Variants in GAS2 observed in about 807,000 individuals in gnomAD.
GAS2 encodes growth arrest specific 2, also known as growth arrest-specific protein 2.
A neutral mutation model predicts 37.5 loss-of-function variants in GAS2; 20 were observed. The ratio of observed to expected loss-of-function variants is 0.53; its 90% CI spans 0.37 to 0.77. The LOEUF (loss-of-function observed/expected upper bound fraction) is 0.77. Ranked by LOEUF, GAS2 falls within the 30% of genes least tolerant of loss-of-function variation. The probability of loss-of-function intolerance (pLI) is 0.00; values close to 1 mark genes in which losing one functional copy is unlikely to be tolerated. For missense variants in GAS2, 336 were observed against 373.4 expected, an observed-to-expected ratio of 0.90 and a Z score of 0.82; for synonymous variants, 144 against 132.2, an observed-to-expected ratio of 1.09 and a Z score of -0.61.
At chr11:22,674,760 C>T (rs991785918) in intron 1 of GAS2, 90 bp from the exon 2 acceptor site, 24 of 960,366 alleles carry the variant, frequency 2.5e-5, no homozygotes, top group Middle Eastern at 2.6e-4. Context: ...TCAGAAAACC[C>T]GCGGATCCAG....
At chr11:22,664,398 A>G (rs1411547242), upstream of GAS2, among the ~76,000 whole-genome samples, 1 of 152,188 alleles carries the variant, frequency 6.6e-6, no homozygotes, top group African/African-American at 2.4e-5. Context: ...GAGAAAATTC[A>G]TGTTTGAGAC....
intron 1 of GAS2, among the ~76,000 whole-genome samples, chr11:22,631,890 T>C (rs923378045): frequency 1.1e-4 from 17 of 151,904 alleles, no homozygotes; most frequent in African/African-American, 2.9e-4. Context: ...AGTAGGATTG[T>C]TACCAGTTCT....
At chr11:22,759,385 C>T (rs1403644054) in intron 7 of GAS2, among the ~76,000 whole-genome samples, 2 of 152,112 alleles carry the variant, frequency 1.3e-5, no homozygotes, top group Non-Finnish European at 2.9e-5. Flanking sequence ...AGGATTAATC[C>T]ATGCCTAAAT....
chr11:22,635,814 G>A (rs1381179006), intron 1 of GAS2, among the ~76,000 whole-genome samples: 1 of 152,226 alleles, frequency 6.6e-6, no homozygotes, highest in Non-Finnish European at 1.5e-5. Flanking sequence ...TGCAAAGCAT[G>A]TGCTGATGCT....
chr11:22,628,999 ATG>A (rs58455319), intron 1 of GAS2, among the ~76,000 whole-genome samples: 148,464 of 151,572 alleles, frequency 0.98, 72,756 homozygotes, highest in Non-Finnish European at 1. Flanking sequence ...ATTCCATGGT[ATG>A]TGTGTGTGTG....
intron 1 of GAS2, among the ~76,000 whole-genome samples, chr11:22,644,674 G>A (rs1848668477): frequency 9.0e-6 from 1 of 110,838 alleles, no homozygotes; most frequent in African/African-American, 2.6e-5. Flanking sequence ...AGGCTGCAGT[G>A]CAGTGGCATG....
intron 1 of GAS2, among the ~76,000 whole-genome samples, chr11:22,654,066 T>A (rs1224315711): frequency 6.6e-6 from 1 of 152,234 alleles, no homozygotes; most frequent in Non-Finnish European, 1.5e-5. Context: ...TCCCACCTGA[T>A]GCCCCAGGCA....
chr11:22,706,670 T>A (rs1851139094), intron 3 of GAS2, among the ~76,000 whole-genome samples: 2 of 152,332 alleles, frequency 1.3e-5, no homozygotes, highest in South Asian at 4.1e-4. Context: ...GAACTCATCA[T>A]TTTTTATGGC....
At chr11:22,737,926 C>T (rs533570600) in intron 5 of GAS2, among the ~76,000 whole-genome samples, 158 bp downstream of exon 5, 4 of 152,284 alleles carry the variant, frequency 2.6e-5, no homozygotes, top group Admixed American at 2.6e-4. Flanking sequence ...AGCAGTTAAC[C>T]AAATTAAAAG....
chr11:22,775,095 G>C (rs146244892), intron 7 of GAS2, among the ~76,000 whole-genome samples: 50 of 152,304 alleles, frequency 3.3e-4, no homozygotes, highest in African/African-American at 1.1e-3. Flanking sequence ...CAGACACACA[G>C]AGCCAGCTCA....
upstream of GAS2, among the ~76,000 whole-genome samples, chr11:22,663,086 A>G (rs1298798641): frequency 2.6e-5 from 4 of 152,138 alleles, no homozygotes; most frequent in South Asian, 2.1e-4. Flanking sequence ...CATGTCTTAC[A>G]TGGCAGCAGG....
chr11:22,703,295 A>G (rs1850939786), intron 3 of GAS2, among the ~76,000 whole-genome samples: 1 of 152,138 alleles, frequency 6.6e-6, no homozygotes, highest in Non-Finnish European at 1.5e-5. Flanking sequence ...AAAGGAGTCT[A>G]ACTGGGGAAC....
intron 5 of GAS2, among the ~76,000 whole-genome samples, chr11:22,738,932 A>G (rs969200600): frequency 2.0e-5 from 3 of 152,200 alleles, no homozygotes; most frequent in Non-Finnish European, 4.4e-5. Flanking sequence ...TTACCTCAAC[A>G]TGGAGTAAAA....
intron 7 of GAS2, among the ~76,000 whole-genome samples, chr11:22,786,740 A>G (rs897310953): frequency 6.6e-6 from 1 of 152,170 alleles, no homozygotes; most frequent in African/African-American, 2.4e-5. Flanking sequence ...AATGGGTAGG[A>G]CATTGTCAGT....
At chr11:22,660,870 C>A (rs1848908897) in intron 1 of GAS2, among the ~76,000 whole-genome samples, 1 of 152,124 alleles carries the variant, frequency 6.6e-6, no homozygotes, top group South Asian at 2.1e-4. Flanking sequence ...GGAGTACTGC[C>A]CTTTTATAGG....
chr11:22,761,455 A>G (rs1419305310), intron 7 of GAS2, among the ~76,000 whole-genome samples: 5 of 152,186 alleles, frequency 3.3e-5, no homozygotes, highest in African/African-American at 1.2e-4. Context: ...TGTGAGGTAG[A>G]TAACATTTTG....
intron 7 of GAS2, among the ~76,000 whole-genome samples, chr11:22,765,257 A>C (rs1001771302): frequency 1.3e-5 from 2 of 152,214 alleles, no homozygotes; most frequent in African/African-American, 4.8e-5. Context: ...CGTACAAAAA[A>C]TATATACAGA....
chr11:22,756,331 G>A (rs1014506823), intron 7 of GAS2, among the ~76,000 whole-genome samples: 2 of 151,992 alleles, frequency 1.3e-5, no homozygotes, highest in Non-Finnish European at 2.9e-5. Flanking sequence ...GAAAAATAGA[G>A]ATACATTCCT....
At chr11:22,653,423 A>T (rs191769065) in intron 1 of GAS2, among the ~76,000 whole-genome samples, 8 of 152,198 alleles carry the variant, frequency 5.3e-5, no homozygotes, top group Admixed American at 5.2e-4. Flanking sequence ...TTCTATGTAC[A>T]GTTAACATTA....
Sources: gnomAD v4.1 joint callset for allele counts (sites outside exome capture counted in the v4.1 genomes callset) on GRCh38, gnomAD v4.1.1 for gene constraint, MANE v1.5 for transcripts, NCBI Gene and HGNC (gene_info 2026-07-23, HGNC 2026-07-21) for gene names.